AOAH: variants seen among roughly 807,000 people sequenced by gnomAD.
AOAH encodes the protein acyloxyacyl hydrolase.
Under a neutral mutation model 92.2 loss-of-function variants are expected in AOAH, and 64 were observed. That is an observed-to-expected ratio of 0.69 (90% confidence interval 0.57 to 0.86). The LOEUF (loss-of-function observed/expected upper bound fraction) is 0.86. Among genes scored for constraint, AOAH ranks in the 40% least tolerant of loss-of-function variants. The pLI is 0.00. For missense variants in AOAH, 656 were observed against 694.6 expected, an observed-to-expected ratio of 0.94 and a Z score of 0.62; for synonymous variants, 263 against 254.5, an observed-to-expected ratio of 1.03 and a Z score of -0.32.
chr7:36,634,388 C>A (rs1793368884), intron 5 of AOAH, among the ~76,000 whole-genome samples: 1 of 152,154 alleles, frequency 6.6e-6, no homozygotes, highest in African/African-American at 2.4e-5. Flanking sequence ...AAATCCCTAT[C>A]CTGTTTTGTT....
intron 15 of AOAH, among the ~76,000 whole-genome samples, chr7:36,540,932 G>A (rs1339733237): frequency 6.6e-6 from 1 of 152,210 alleles, no homozygotes; most frequent in Non-Finnish European, 1.5e-5. Context: ...TTTAGGGGCT[G>A]TTTGTTCCTT....
At chr7:36,571,198 T>C (rs571606110) in intron 13 of AOAH, among the ~76,000 whole-genome samples, 2 of 152,254 alleles carry the variant, frequency 1.3e-5, no homozygotes, top group South Asian at 4.2e-4. Context: ...GAGTGAAATA[T>C]ACAGCACAGG....
At chr7:36,598,112 C>T (rs1453474176) in intron 11 of AOAH, 1 of 152,146 alleles carries the variant, frequency 6.6e-6, no homozygotes, top group Non-Finnish European at 1.5e-5. Flanking sequence ...CTAACACTCT[C>T]CAAGCTCAGT....
intron 16 of AOAH, among the ~76,000 whole-genome samples, chr7:36,535,889 C>A (rs1404682928): frequency 6.6e-6 from 1 of 152,190 alleles, no homozygotes; most frequent in East Asian, 1.9e-4. Context: ...TCTCAAAGGA[C>A]CCACATCAGT....
At chr7:36,517,715 C>T (rs1457368493) in intron 20 of AOAH, among the ~76,000 whole-genome samples, 1 of 150,874 alleles carries the variant, frequency 6.6e-6, no homozygotes, top group Non-Finnish European at 1.5e-5. Flanking sequence ...ATTCTCCTGC[C>T]TCAGCCTCCT....
At chr7:36,683,302 G>T (rs1796757618) in intron 2 of AOAH, among the ~76,000 whole-genome samples, 1 of 152,150 alleles carries the variant, frequency 6.6e-6, no homozygotes, top group Non-Finnish European at 1.5e-5. Context: ...CTGGAGGAAT[G>T]AACTTTAGAC....
Position 36,523,222 on chromosome 7 carries a change from C to A in AOAH, c.1523-1107G>T, listed in dbSNP as rs1784200254. Among the ~76,000 whole-genome samples the A allele has an allele frequency of 3.3e-5, 5 of 152,196 alleles. No individual in the cohort carries two copies. In the South Asian group the frequency reaches 1.0e-3, roughly 31 times the overall value. On this transcript the variant is annotated intron_variant, in intron 19 of 20. Coordinates refer to ENST00000617537, the MANE Select transcript of AOAH (RefSeq NM_001637.4). ...AGCTTATTCTCTGGCAGAAAGACTG[C>A]CCCTGAGACACAGCATCATATTATG...
chr7:36,652,965 G>T (rs752823204), intron 4 of AOAH, among the ~76,000 whole-genome samples: 24 of 152,158 alleles, frequency 1.6e-4, no homozygotes, highest in Non-Finnish European at 2.8e-4. Context: ...TGCTACTAAG[G>T]TATATACAGT....
intron 1 of AOAH, among the ~76,000 whole-genome samples, chr7:36,719,062 A>G (rs371595506): frequency 6.6e-6 from 1 of 152,244 alleles, no homozygotes; most frequent in Non-Finnish European, 1.5e-5. Context: ...TTAACTAACT[A>G]TGTAACCTTG....
At chr7:36,659,305 C>T (rs777641613) in intron 3 of AOAH, 40 bp from the exon 4 acceptor site, 6 of 1,509,346 alleles carry the variant, frequency 4.0e-6, no homozygotes, top group African/African-American at 1.4e-5. Flanking sequence ...ATTCAGATCT[C>T]TTAGGCATTA....
At chr7:36,519,138 G>C (rs1398234377) in intron 20 of AOAH, among the ~76,000 whole-genome samples, 1 of 152,148 alleles carries the variant, frequency 6.6e-6, no homozygotes, top group Non-Finnish European at 1.5e-5. Context: ...TTTCTTTCTT[G>C]CTTGAGAACA....
intron 11 of AOAH, among the ~76,000 whole-genome samples, chr7:36,605,532 G>T (rs1419703794): frequency 3.3e-5 from 5 of 152,192 alleles, no homozygotes; most frequent in Non-Finnish European, 5.9e-5. Context: ...TGATACAGAA[G>T]TCTTTATTTC....
chr7:36,570,424 G>A (rs550638992), intron 13 of AOAH, among the ~76,000 whole-genome samples: 5 of 152,302 alleles, frequency 3.3e-5, no homozygotes, highest in East Asian at 1.9e-4. Context: ...GTTGATGAAC[G>A]TTTCCACCTC....
chr7:36,626,988 T>C (rs1792708791), intron 6 of AOAH, among the ~76,000 whole-genome samples: 2 of 152,250 alleles, frequency 1.3e-5, no homozygotes, highest in South Asian at 4.1e-4. Context: ...CATCTGAACT[T>C]GATACCTTAT....
At chr7:36,535,643 TG>T (rs1438131847) in intron 16 of AOAH, among the ~76,000 whole-genome samples, 2 of 152,200 alleles carry the variant, frequency 1.3e-5, no homozygotes, top group Admixed American at 6.5e-5. Context: ...ACCCTTGGGA[TG>T]GCCCCTGAAT....
intron 12 of AOAH, among the ~76,000 whole-genome samples, chr7:36,592,914 C>T (rs1264332035): frequency 6.6e-6 from 1 of 152,050 alleles, no homozygotes; most frequent in Non-Finnish European, 1.5e-5. Context: ...TATAACTACA[C>T]TGGAAAACAC....
chr7:36,517,359 C>T (rs1462062387), intron 20 of AOAH, among the ~76,000 whole-genome samples: 1 of 151,074 alleles, frequency 6.6e-6, no homozygotes, highest in African/African-American at 2.4e-5. Context: ...GGCCAGATCT[C>T]GGCTCACCGG....
At chr7:36,564,279 C>T (rs544520331) in intron 13 of AOAH, among the ~76,000 whole-genome samples, 1 of 152,316 alleles carries the variant, frequency 6.6e-6, no homozygotes, top group African/African-American at 2.4e-5. Flanking sequence ...CTTCTTATGT[C>T]CAGAGGCCTC....
At chr7:36,611,165 A>G (rs913944185) in intron 11 of AOAH, among the ~76,000 whole-genome samples, 2 of 152,132 alleles carry the variant, frequency 1.3e-5, no homozygotes, top group Non-Finnish European at 2.9e-5. Context: ...GCCAATTTTT[A>G]GCTTGGAGAG....
Sources: allele counts gnomAD v4.1 joint callset (sites outside exome capture counted in the v4.1 genomes callset), GRCh38; gene constraint gnomAD v4.1.1; transcripts MANE v1.5; gene names NCBI Gene and HGNC (gene_info 2026-07-23, HGNC 2026-07-21).